Variants in AGBL5 observed in about 807,000 individuals in gnomAD.
AGBL5 encodes the protein AGBL carboxypeptidase 5, also known as cytosolic carboxypeptidase-like protein 5.
In AGBL5, 51 loss-of-function variants were observed where a neutral mutation model predicts 88.0. The observed-to-expected ratio is 0.58, with a 90% confidence interval of 0.46 to 0.73. The LOEUF (loss-of-function observed/expected upper bound fraction) is 0.73, where lower values mean the gene tolerates loss of function less well. Among genes scored for constraint, AGBL5 ranks in the 30% least tolerant of loss-of-function variants. AGBL5 has a pLI of 0.00. For synonymous variants in AGBL5, 446 were observed against 438.8 expected, an observed-to-expected ratio of 1.02 and a Z score of -0.21; for missense variants, 1,031 against 1,162.2, an observed-to-expected ratio of 0.89 and a Z score of 1.64.
rs2148270099 is a variant in AGBL5 at position 27,053,803 on chromosome 2, A to T, written c.388-93A>T. The stretch of plus-strand genomic sequence containing the variant: ...ACAGGGAGGGAAGTTGGTAAAGGTG[A>T]TAAGGGTGTGAGGTCAGTTCCTGGT... On this transcript the variant is annotated intron_variant, in intron 3 of 14. Coordinates refer to ENST00000360131, the MANE Select transcript of AGBL5 (RefSeq NM_021831.6). This position sits in a 1 kb window ranked among gnomAD's most constrained non-coding sequence, Gnocchi z 4.9. 2 of 1,500,216 alleles carry T rather than the reference A, an allele frequency of 1.3e-6. No homozygotes were observed. The highest frequency in any genetic ancestry group is 1.3e-5 in the South Asian group (1 of 75,132). 92.9% of individuals were successfully genotyped at this position (1,500,216 alleles called of 1,614,324 possible). A position where few individuals can be genotyped will look rare whatever the true frequency, so the allele number is the denominator to read the frequency against.
At position 27,069,601 on chromosome 2, in the gene AGBL5, C is replaced by T. The variant is rs148028646; in HGVS notation, c.2384C>T (p.Pro795Leu). The T allele has an allele frequency of 7.3e-5, 118 of 1,614,054 alleles. 1 individual carries two copies. Among genetic ancestry groups the T allele is most frequent in the Middle Eastern group, 1.6e-4 (1 of 6,084 alleles). ...QARPRLGRGS[P>L]PTRRGMKGSS... ...AGGCCCAGGTTGGGCCGGGGCTCAC[C>T]GCCGACTCGCAGAGGGATGAAAGGC... is the stretch of plus-strand genomic sequence containing the variant. The change falls in exon 14 of 15, where the codon CCG (proline) becomes CTG (leucine). Residue 795 changes from proline to leucine, a missense_variant. By Grantham distance (98) the Pro-to-Leu change is moderately conservative. Around this residue, in one of 2 missense-constraint regions of AGBL5, gnomAD observed 491 missense variants for 484.0 expected, o/e 1.01. Transcript: ENST00000360131.
rs537023540 is a variant in AGBL5 at position 27,055,068 on chromosome 2, A to G, written c.730-7A>G. The G allele has an allele frequency of 3.1e-6, 5 of 1,613,162 alleles. No individual in the cohort carries two copies. In the African/African-American group the frequency reaches 4.0e-5, roughly 13 times the overall value. ...TGACTTAATGTCTGCTCTCCTCTCT[A>G]CCTCAGATATTCTTCTTAAGCAGTA... On this transcript the variant is annotated splice_polypyrimidine_tract_variant and splice_region_variant and intron_variant, in intron 5 of 14. Transcript: ENST00000360131.
rs1243084289 is a variant in AGBL5 at position 27,053,608 on chromosome 2, G to A, written c.387+35G>A. 3 of 1,584,690 alleles carry A rather than the reference G, an allele frequency of 1.9e-6. No individual in the cohort carries two copies. The highest frequency in any genetic ancestry group is 2.6e-6 in the Non-Finnish European group (3 of 1,168,032). ...CCATGAGGAGGAAAGAAAGACTTGG[G>A]TGCTAAAAGTAGAGAGGAAAGTAAA... On this transcript the variant is annotated intron_variant, in intron 3 of 14. Transcript: ENST00000360131. This position sits in a 1 kb window ranked among gnomAD's most constrained non-coding sequence, Gnocchi z 4.9.
chr2:27,055,078 T>C lies in AGBL5; in HGVS notation c.733T>C (p.Phe245Leu). The C allele has an allele frequency of 6.2e-7, 1 of 1,613,770 alleles. No homozygotes were observed. Among genetic ancestry groups the C allele is most frequent in the Non-Finnish European group, 8.5e-7 (1 of 1,179,652 alleles). Residue 245 changes from phenylalanine to leucine, a missense_variant, in exon 6 of 15, where the codon TTC (phenylalanine) becomes CTC (leucine). Transcript: ENST00000360131. ...RPFRFAGKRI[F>L]FLSSRVHPGE... ...TCTGCTCTCCTCTCTACCTCAGATA[T>C]TCTTCTTAAGCAGTAGAGTACACCC...
rs1473522271 is a variant in AGBL5, at chr2:27,070,573, A to G, written c.*310A>G. 1 of 303,042 alleles carries G rather than the reference A, an allele frequency of 3.3e-6. No homozygotes were observed. The highest frequency in any genetic ancestry group is 5.9e-5 in the East Asian group (1 of 16,984). 18.8% of individuals were successfully genotyped at this position (303,042 alleles called of 1,614,324 possible). A position where few individuals can be genotyped will look rare whatever the true frequency, so the allele number is the denominator to read the frequency against. ...CTATTCAGTGGCAGCTTCTTGTTCC[A>G]TAGGATTAAGGAAGACTCTGAGGAA... On this transcript the variant is annotated 3_prime_UTR_variant, in exon 15 of 15. Coordinates refer to ENST00000360131, the MANE Select transcript of AGBL5 (RefSeq NM_021831.6).
chr2:27,067,446 G>C, intron 11 of AGBL5, 48 bp from the exon 12 acceptor site: 1 of 1,589,080 alleles, frequency 6.3e-7, no homozygotes, highest in South Asian at 1.1e-5. Context: ...CTGCCTCATA[G>C]TGCCCCACTT....
upstream of AGBL5, among the ~76,000 whole-genome samples, chr2:27,050,758 C>G (rs559902906): frequency 9.2e-5 from 14 of 152,118 alleles, no homozygotes; most frequent in Non-Finnish European, 1.8e-4. Flanking sequence ...AGAGGGCTAT[C>G]AGCAGCATCT....
chr2:27,061,558 G>T (rs113823913), intron 11 of AGBL5: 2 of 151,900 alleles, frequency 1.3e-5, no homozygotes, highest in African/African-American at 2.4e-5. Context: ...TAGTAGAGAC[G>T]GGTTTCACCA....
rs769853433 is a variant in AGBL5, at chr2:27,067,662, C to T, written c.2242+16C>T. ...AACATACCAGGTCTGTACCCACTGC[C>T]ACTGAAATCTGGGTTTGCCAGCCTC... On this transcript the variant is annotated intron_variant, in intron 12 of 14. Transcript: ENST00000360131. 6.2e-7 allele frequency: 1 copy of T among 1,609,670 alleles called. No homozygotes were observed. Among genetic ancestry groups the T allele is most frequent in the Non-Finnish European group, 8.5e-7 (1 of 1,176,752 alleles).
chr2:27,050,828 C>CG (rs1553335915), upstream of AGBL5, among the ~76,000 whole-genome samples: 1 of 152,182 alleles, frequency 6.6e-6, no homozygotes, highest in Admixed American at 6.5e-5. Context: ...GTGGATAGGG[C>CG]GTGGCAATCC....
rs539150660 is a variant in AGBL5 at position 27,069,559 on chromosome 2, C to A, written c.2356-14C>A. On this transcript the variant is annotated splice_polypyrimidine_tract_variant and intron_variant, in intron 13 of 14. Transcript: ENST00000360131. The stretch of plus-strand genomic sequence containing the variant: ...GAAGAATCCAGCCTCTTAGCGCAAA[C>A]CCTGTCCACACAGGCTAGGCCCAGG... 6.2e-7 allele frequency: 1 copy of A among 1,611,670 alleles called. No homozygotes were observed. The highest frequency in any genetic ancestry group is 2.2e-5 in the East Asian group (1 of 44,800).
chr2:27,069,492 G>A (rs1015157058), intron 13 of AGBL5, 81 bp from the exon 14 acceptor site: 1 of 1,567,952 alleles, frequency 6.4e-7, no homozygotes, highest in Admixed American at 1.8e-5. Context: ...ACACTCTTAT[G>A]CATGGAAACT....
At chr2:27,068,235 GATCCTCAAATGCTAAACA>G (rs1230513675) in intron 12 of AGBL5, among the ~76,000 whole-genome samples, 1 of 152,182 alleles carries the variant, frequency 6.6e-6, no homozygotes, top group African/African-American at 2.4e-5. Flanking sequence ...GAGCTGACTT[GATCCTCAAATGCTAAACA>G]TATGATTGCG....
Position 27,057,370 on chromosome 2 carries a change from A to G in AGBL5, c.1603A>G (p.Asn535Asp). ...VNSIPAACHDNGRASPPPPPA... is the reference protein window; with the variant it reads ...VNSIPAACHDDGRASPPPPPA... ...CAGCATCCCTGCTGCCTGCCATGACAATGGGCGTGCCAGCCCCCCTCCCCC... is the reference window on the plus strand; with the variant it reads ...CAGCATCCCTGCTGCCTGCCATGACGATGGGCGTGCCAGCCCCCCTCCCCC... The change falls in exon 9 of 15, where the codon AAT (asparagine) becomes GAT (aspartate). Residue 535 changes from asparagine to aspartate, a missense_variant. Transcript: ENST00000360131. 1 of 1,614,062 alleles carries G rather than the reference A, an allele frequency of 6.2e-7. No individual in the cohort carries two copies. Among genetic ancestry groups the G allele is most frequent in the South Asian group, 1.1e-5 (1 of 91,050 alleles).
chr2:27,068,864 C>A, intron 13 of AGBL5, 120 bp downstream of exon 13: 1 of 1,510,534 alleles, frequency 6.6e-7, no homozygotes, highest in South Asian at 1.3e-5. Flanking sequence ...TTGGCCACAT[C>A]AGAGAGCTTC....
intron 4 of AGBL5, 70 bp from the exon 5 acceptor site, chr2:27,054,560 C>A: frequency 6.8e-7 from 1 of 1,463,692 alleles, no homozygotes; most frequent in South Asian, 1.3e-5. Context: ...AGATCCTGGG[C>A]TGGTGACAAG....
chr2:27,050,922 A>C (rs1002658099), upstream of AGBL5: 5 of 152,224 alleles, frequency 3.3e-5, no homozygotes, highest in African/African-American at 4.8e-5. Context: ...CATAAGGGGA[A>C]AGGCTTGGAG....
Position 27,055,187 on chromosome 2 carries a change from G to A in AGBL5, c.842G>A (p.Arg281His), listed in dbSNP as rs1448861312. The A allele has an allele frequency of 9.9e-6, 16 of 1,614,038 alleles. No homozygotes were observed. The highest frequency in any genetic ancestry group is 1.3e-5 in the African/African-American group (1 of 74,912). ...GATGATCCCCGGGCCCAAACCCTCC[G>A]TCGCCTCTTCGTCTTTAAGCTGATT... ...RPDDPRAQTL[R>H]RLFVFKLIPM... is the part of the protein sequence containing the mutation. The change falls in exon 6 of 15, where the codon CGT (arginine) becomes CAT (histidine). Residue 281 changes from arginine to histidine, a missense_variant. Arg to His is a conservative substitution (Grantham distance 29, BLOSUM62 0). Transcript: ENST00000360131.
Position 27,055,839 on chromosome 2 carries a change from C to G in AGBL5, c.1066C>G (p.Leu356Val), listed in dbSNP as rs775550831. The G allele has an allele frequency of 6.2e-7, 1 of 1,614,214 alleles. No homozygotes were observed. ...SSSEHQPSSC[L>V]PPDAPVSDLE... Reference sequence around the variant, plus strand: ...CTCTGAGCACCAGCCCAGTTCCTGTCTCCCTCCTGATGCTCCTGTTTCTGA... The same window carrying G: ...CTCTGAGCACCAGCCCAGTTCCTGTGTCCCTCCTGATGCTCCTGTTTCTGA... Residue 356 changes from leucine to valine, a missense_variant, in exon 7 of 15, where the codon CTC becomes GTC. Leu to Val is a conservative substitution (Grantham distance 32). Around this residue, in one of 2 missense-constraint regions of AGBL5, gnomAD observed 540 missense variants for 678.2 expected, o/e 0.80. Coordinates refer to ENST00000360131, the MANE Select transcript of AGBL5 (RefSeq NM_021831.6).
Sources: gnomAD v4.1 joint callset for allele counts (sites outside exome capture counted in the v4.1 genomes callset) on GRCh38, gnomAD v4.1.1 for gene constraint, gnomAD v4.1.1 regional missense constraint, Gnocchi (gnomAD v3.1) non-coding constraint, MANE v1.5 for transcripts, NCBI Gene and HGNC (gene_info 2026-07-23, HGNC 2026-07-21) for gene names.